The following ZBTB34 variants were observed in gnomAD, a reference collection of about 807,000 sequenced individuals.
ZBTB34 encodes zinc finger and BTB domain-containing protein 34.
Under a neutral mutation model 33.4 loss-of-function variants are expected in ZBTB34, and 1 was observed. The observed-to-expected ratio is 0.03, with a 90% CI of 0.01 to 0.14. The LOEUF (loss-of-function observed/expected upper bound fraction) is 0.14, where lower values mean the gene tolerates loss of function less well. Among genes scored for constraint, ZBTB34 ranks in the 10% least tolerant of loss-of-function variants. The pLI is 1.00. For synonymous variants in ZBTB34, 283 were observed against 253.5 expected (o/e 1.12, Z -1.11); for missense variants, 406 against 657.2 (o/e 0.62, Z 4.18).
At chr9:126,861,109 G>C (rs986288162) in intron 1 of ZBTB34, among the ~76,000 whole-genome samples, 1 of 152,152 alleles carries the variant, frequency 6.6e-6, no homozygotes, top group Non-Finnish European at 1.5e-5. Flanking sequence ...CCTAGCCCTG[G>C]GGGCGCTCCC....
intron 1 of ZBTB34, among the ~76,000 whole-genome samples, chr9:126,874,287 T>C (rs2033325124): frequency 6.7e-6 from 1 of 149,120 alleles, no homozygotes; most frequent in Non-Finnish European, 1.5e-5. Context: ...CCTGACCTGG[T>C]GATCTGCCCG....
chr9:126,883,123 C>T (rs2033466986), exon 2 of ZBTB34: 1 of 166,500 alleles, frequency 6.0e-6, no homozygotes, highest in Non-Finnish European at 1.5e-5. Context: ...AGTGTTTACC[C>T]ACTTAAATAT....
chr9:126,874,358 G>T (rs1242283618), intron 1 of ZBTB34, among the ~76,000 whole-genome samples: 1 of 151,978 alleles, frequency 6.6e-6, no homozygotes, highest in Non-Finnish European at 1.5e-5. Context: ...CCTCTGCTAT[G>T]TATGTTCTAG....
In ZBTB34 at chr9:126,880,454, A is replaced by G; in HGVS notation, c.1055A>G (p.Asn352Ser). 6.2e-7 allele frequency: 1 copy of G among 1,613,776 alleles called. No homozygotes were observed. Among genetic ancestry groups the G allele is most frequent in the Middle Eastern group, 1.6e-4 (1 of 6,062 alleles). The change falls in exon 2 of 2, where the codon AAC (asparagine) becomes AGC (serine). Residue 352 changes from asparagine (N) to serine (S), a missense_variant. Around this residue, in one of 6 missense-constraint regions of ZBTB34, gnomAD observed 123 missense variants for 140.4 expected, o/e 0.88. Coordinates refer to ENST00000319119, the Ensembl canonical transcript of ZBTB34. This position sits in a 1 kb window ranked among gnomAD's most constrained non-coding sequence, Gnocchi z 6.7. ...GGCTCTGACAGTGAAGCCATGATGA[A>G]CAACCCCGGGTATGAGAGCAGTCCC...
chr9:126,860,899 C>T lies in ZBTB34; in HGVS notation c.-11+160C>T, dbSNP rs7035980. ...CTGGTCAGTCCCGCGGGCAGGCGGC[C>T]GGCGCGGGCGGGAGCCGAGGCCGGG... On this transcript the variant is annotated intron_variant, in intron 1 of 1. Coordinates refer to ENST00000319119, the Ensembl canonical transcript of ZBTB34. Among the ~76,000 whole-genome samples the T allele has an allele frequency of 3.4e-3, 506 of 146,714 alleles. 5 individuals carry two copies. The highest frequency in any genetic ancestry group is 0.012 in the African/African-American group (478 of 40,252).
rs1284427113 is a variant in ZBTB34, at chr9:126,879,905, C to G, written c.506C>G (p.Pro169Arg). ...TTTGCCAACCCAGTGGAGATCTCTC[C>G]TCCATATTGCTCTCAGGGACGGCAG... The change falls in exon 2 of 2, where the codon CCT becomes CGT. Residue 169 changes from proline (P) to arginine (R), a missense_variant. Pro to Arg is a moderately radical substitution (Grantham distance 103). Transcript: ENST00000319119. This position sits in a 1 kb window ranked among gnomAD's most constrained non-coding sequence, Gnocchi z 6.4. 1.9e-6 allele frequency: 3 copies of G among 1,611,058 alleles called. No homozygotes were observed. Among genetic ancestry groups the G allele is most frequent in the Non-Finnish European group, 2.5e-6 (3 of 1,179,152 alleles).
intron 1 of ZBTB34, among the ~76,000 whole-genome samples, chr9:126,869,326 A>G (rs933480720): frequency 9.9e-5 from 15 of 151,758 alleles, no homozygotes; most frequent in African/African-American, 3.6e-4. Context: ...GGGTCCTGGG[A>G]AAGTCAGCTG....
intron 1 of ZBTB34, among the ~76,000 whole-genome samples, chr9:126,862,194 A>G (rs1476320382): frequency 6.6e-6 from 1 of 152,206 alleles, no homozygotes; most frequent in Non-Finnish European, 1.5e-5. Context: ...AAGAGGAATC[A>G]GGCCCAGTGA....
intron 1 of ZBTB34, among the ~76,000 whole-genome samples, chr9:126,874,329 C>T (rs543036058): frequency 3.3e-5 from 5 of 151,804 alleles, no homozygotes; most frequent in East Asian, 1.9e-4. Context: ...GGATTACAGG[C>T]GTGAGCCACC....
At chr9:126,869,811 T>C (rs918618900) in intron 1 of ZBTB34, among the ~76,000 whole-genome samples, 1 of 152,168 alleles carries the variant, frequency 6.6e-6, no homozygotes, top group Non-Finnish European at 1.5e-5. Flanking sequence ...GCAGAAAGAT[T>C]GTCTTTCCAT....
intron 1 of ZBTB34, among the ~76,000 whole-genome samples, chr9:126,862,968 A>G (rs2033160881): frequency 1.3e-5 from 2 of 151,972 alleles, no homozygotes; most frequent in Non-Finnish European, 2.9e-5. Context: ...TGTCATAGAT[A>G]AGTGATATGT....
chr9:126,871,886 TG>T (rs2033284494), intron 1 of ZBTB34, among the ~76,000 whole-genome samples: 1 of 151,980 alleles, frequency 6.6e-6, no homozygotes, highest in East Asian at 1.9e-4. Flanking sequence ...GATGCTGAGG[TG>T]GGAGGATCCC....
chr9:126,866,238 A>G (rs1200821410), intron 1 of ZBTB34, among the ~76,000 whole-genome samples: 3 of 151,896 alleles, frequency 2.0e-5, no homozygotes, highest in Non-Finnish European at 2.9e-5. Context: ...CTCCAGCCCC[A>G]TATTTCCCAC....
chr9:126,870,234 T>G (rs1195968207), intron 1 of ZBTB34, among the ~76,000 whole-genome samples: 1 of 152,176 alleles, frequency 6.6e-6, no homozygotes, highest in Admixed American at 6.5e-5. Flanking sequence ...AAAACTAATA[T>G]AAATCACTAC....
chr9:126,863,618 T>G (rs1289089490), intron 1 of ZBTB34: 1 of 837,114 alleles, frequency 1.2e-6, no homozygotes, highest in African/African-American at 1.8e-5. Context: ...TTTAGCTTAG[T>G]GAAGGTCATC....
At chr9:126,876,058 CT>C (rs1215232329) in intron 1 of ZBTB34, among the ~76,000 whole-genome samples, 1 of 149,776 alleles carries the variant, frequency 6.7e-6, no homozygotes, top group Non-Finnish European at 1.5e-5. Context: ...GTTTTAATCC[CT>C]AGGAGGTGAG....
chr9:126,871,182 G>GGTGT (rs1051590372), intron 1 of ZBTB34, among the ~76,000 whole-genome samples: 7 of 122,370 alleles, frequency 5.7e-5, no homozygotes, highest in African/African-American at 9.6e-5. Flanking sequence ...AAGTGAGGGG[G>GGTGT]GTGTGTGTGT....
At chr9:126,870,652 C>T (rs370909226) in intron 1 of ZBTB34, among the ~76,000 whole-genome samples, 295 of 152,252 alleles carry the variant, frequency 1.9e-3, no homozygotes, top group African/African-American at 6.5e-3. Flanking sequence ...TGCAGCCGGG[C>T]GCAGTGGCTC....
At position 126,879,917 on chromosome 9, in the gene ZBTB34, C is replaced by T. The variant is rs761690752; in HGVS notation, c.518C>T (p.Ser173Phe). The T allele has an allele frequency of 1.2e-5, 19 of 1,612,870 alleles. No individual in the cohort carries two copies. The South Asian group carries it at 1.8e-4, about 15-fold the overall frequency. ...GTGGAGATCTCTCCTCCATATTGCT[C>T]TCAGGGACGGCAGCCCACCGCAAGC... Residue 173 changes from serine (S) to phenylalanine (F), a missense_variant, in exon 2 of 2, where the codon TCT becomes TTT. Coordinates refer to ENST00000319119, the Ensembl canonical transcript of ZBTB34. This position sits in a 1 kb window ranked among gnomAD's most constrained non-coding sequence, Gnocchi z 6.4.
Sources: allele counts gnomAD v4.1 joint callset (sites outside exome capture counted in the v4.1 genomes callset), GRCh38; gene constraint gnomAD v4.1.1; regional missense constraint gnomAD v4.1.1; non-coding constraint Gnocchi (gnomAD v3.1); transcripts MANE v1.5; gene names NCBI Gene and HGNC (gene_info 2026-07-23, HGNC 2026-07-21).